Variants in TRPC5 observed in about 807,000 individuals in gnomAD.
TRPC5 encodes transient receptor potential cation channel subfamily C member 5, also known as short transient receptor potential channel 5.
Under a neutral mutation model 56.5 loss-of-function variants are expected in TRPC5, and 9 were observed. The observed-to-expected ratio is 0.16, with a 90% CI of 0.10 to 0.28. The LOEUF (loss-of-function observed/expected upper bound fraction) is 0.28, where lower values mean the gene tolerates loss of function less well. TRPC5 is among the 10% of genes least tolerant of loss of function. TRPC5 has a pLI of 1.00. For missense variants in TRPC5, 469 were observed against 748.9 expected (o/e 0.63, Z 4.36); for synonymous variants, 282 against 278.5 (o/e 1.01, Z -0.13).
intron 3 of TRPC5, among the ~76,000 whole-genome samples, chrX:111,893,078 G>GT (rs1427368445): frequency 2.3e-4 from 23 of 98,588 alleles, no homozygotes; most frequent in Non-Finnish European, 2.8e-4. Context: ...TCAAATATAG[G>GT]GTTTTTTTTT....
intron 1 of TRPC5, among the ~76,000 whole-genome samples, chrX:111,993,892 A>G (rs1928439189): frequency 9.0e-6 from 1 of 111,326 alleles, no homozygotes; most frequent in African/African-American, 3.3e-5. Flanking sequence ...GCTGTGCAGA[A>G]GCTCTTTAGT....
At chrX:111,836,565 T>C (rs960182306) in intron 6 of TRPC5, among the ~76,000 whole-genome samples, 9 of 112,015 alleles carry the variant, frequency 8.0e-5, no homozygotes, top group Admixed American at 2.8e-4. Flanking sequence ...TTGGTTGCTC[T>C]ACCTAATGTA....
intron 7 of TRPC5, among the ~76,000 whole-genome samples, chrX:111,796,484 G>GT (rs1226644450): frequency 1.8e-5 from 2 of 111,615 alleles, no homozygotes; most frequent in Non-Finnish European, 3.8e-5. Context: ...CTCCCACCAG[G>GT]TTTTTTGTTG....
At chrX:111,843,890 GT>G (rs1922837082) in intron 6 of TRPC5, among the ~76,000 whole-genome samples, 1 of 102,324 alleles carries the variant, frequency 9.8e-6, no homozygotes. Flanking sequence ...GTGTGTGTGT[GT>G]GTGTGTGTGT....
chrX:112,009,335 C>T (rs1350697553), intron 1 of TRPC5, among the ~76,000 whole-genome samples: 1 of 111,605 alleles, frequency 9.0e-6, no homozygotes, highest in Non-Finnish European at 1.9e-5. Context: ...CCAATATTTT[C>T]ATAAAATCCC....
intron 8 of TRPC5, among the ~76,000 whole-genome samples, chrX:111,781,576 G>T (rs930552015): frequency 8.9e-6 from 1 of 111,885 alleles, no homozygotes; most frequent in Non-Finnish European, 1.9e-5. Flanking sequence ...ATACAAAAAT[G>T]TGCCCAGCAT....
intron 7 of TRPC5, among the ~76,000 whole-genome samples, chrX:111,799,172 C>CAAATGCAGT (rs58912139): frequency 0.24 from 26,646 of 110,226 alleles, 7,831 homozygotes; most frequent in African/African-American, 0.83. Flanking sequence ...TTCTTTTGTG[C>CAAATGCAGT]TGGGCTTATG....
At chrX:111,981,233 C>A (rs1928074628) in intron 1 of TRPC5, among the ~76,000 whole-genome samples, 1 of 109,532 alleles carries the variant, frequency 9.1e-6, no homozygotes, top group African/African-American at 3.3e-5. Flanking sequence ...GGCTTGAGAC[C>A]CCTAAAAAGC....
intron 1 of TRPC5, among the ~76,000 whole-genome samples, chrX:112,062,044 T>C (rs1312115679): frequency 2.7e-5 from 3 of 111,615 alleles, no homozygotes; most frequent in African/African-American, 9.8e-5. Context: ...GCTATTCCAT[T>C]TTACTAGAAC....
chrX:111,987,301 T>G (rs1928236241), intron 1 of TRPC5, among the ~76,000 whole-genome samples: 1 of 111,854 alleles, frequency 8.9e-6, no homozygotes, highest in South Asian at 3.7e-4. Context: ...TTAAGCAAAT[T>G]AACATAACAG....
At chrX:111,841,997 C>T (rs1402863057) in intron 6 of TRPC5, among the ~76,000 whole-genome samples, 5 of 107,022 alleles carry the variant, frequency 4.7e-5, no homozygotes, top group Non-Finnish European at 7.6e-5. Flanking sequence ...AGGCATGAGA[C>T]ACCACGCCCA....
At chrX:112,060,533 A>G (rs1930435891) in intron 1 of TRPC5, among the ~76,000 whole-genome samples, 1 of 112,046 alleles carries the variant, frequency 8.9e-6, no homozygotes, top group East Asian at 2.8e-4. Flanking sequence ...GATTTGAAAT[A>G]AAGAATCTTT....
At position 111,802,914 on chromosome X, in the gene TRPC5, C is replaced by G. The variant is rs1019847558; in HGVS notation, c.1897-20776G>C. Among the ~76,000 whole-genome samples the G allele has an allele frequency of 5.5e-5, 6 of 110,078 alleles. No homozygotes were observed. The East Asian group carries it at 1.7e-3, about 32-fold the overall frequency. On this transcript the variant is annotated intron_variant, in intron 7 of 10. Coordinates refer to ENST00000262839, the MANE Select transcript of TRPC5 (RefSeq NM_012471.3). ...AAGTTCTAGGGTACATGTGCACAACCTGCAGGTTCAATACATAGGTATACA... is the reference window on the plus strand; with the variant it reads ...AAGTTCTAGGGTACATGTGCACAACGTGCAGGTTCAATACATAGGTATACA...
chrX:111,914,205 A>G, intron 2 of TRPC5, among the ~76,000 whole-genome samples: 1 of 111,749 alleles, frequency 8.9e-6, no homozygotes, highest in Non-Finnish European at 1.9e-5. Context: ...TTTAGGAAAA[A>G]AAAGTTCCAA....
At chrX:112,059,625 A>G (rs148737854) in intron 1 of TRPC5, among the ~76,000 whole-genome samples, 3 of 111,811 alleles carry the variant, frequency 2.7e-5, no homozygotes, top group Non-Finnish European at 5.6e-5. Flanking sequence ...GGGTTTTCTG[A>G]TAACCCCAAA....
intron 3 of TRPC5, 45 bp downstream of exon 3, chrX:111,912,246 T>C (rs1174529418): frequency 1.8e-6 from 2 of 1,140,987 alleles, no homozygotes; most frequent in Non-Finnish European, 2.3e-6. Flanking sequence ...CTCCAGACTT[T>C]GGAGGCTTTA....
At chrX:112,008,309 T>A (rs931259775) in intron 1 of TRPC5, among the ~76,000 whole-genome samples, 1 of 111,780 alleles carries the variant, frequency 8.9e-6, no homozygotes, top group Admixed American at 9.5e-5. Context: ...GAGAAGGTGA[T>A]GGCTGGGCGC....
chrX:111,966,679 G>A (rs1212249348), intron 1 of TRPC5, among the ~76,000 whole-genome samples: 3 of 109,773 alleles, frequency 2.7e-5, no homozygotes, highest in African/African-American at 1.0e-4. Context: ...TTCAACATAT[G>A]CAAATCAATA....
In TRPC5 at chrX:111,998,648, C is replaced by T. The variant is rs189434541; in HGVS notation, c.-21-46207G>A. ...TGAACTGCATGGGTCCACTTATACA[C>T]ACATTTTTTTTCCAACCAATCATGG... On this transcript the variant is annotated intron_variant, in intron 1 of 10. Transcript: ENST00000262839. Among the ~76,000 whole-genome samples, 239 of 111,850 alleles carry T rather than the reference C, an allele frequency of 2.1e-3. 1 individual carries two copies. The highest frequency in any genetic ancestry group is 7.4e-3 in the African/African-American group (228 of 30,827).
Sources: allele counts gnomAD v4.1 joint callset (sites outside exome capture counted in the v4.1 genomes callset), GRCh38; gene constraint gnomAD v4.1.1; transcripts MANE v1.5; gene names NCBI Gene and HGNC (gene_info 2026-07-23, HGNC 2026-07-21).